The following UPK1A variants were observed in gnomAD, a reference collection of about 807,000 sequenced individuals.
UPK1A encodes uroplakin-1a.
In UPK1A, 31 loss-of-function variants were observed where a neutral mutation model predicts 32.3. The observed-to-expected ratio is 0.96, with a 90% CI of 0.72 to 1.30. The LOEUF is 1.30. Among genes scored for constraint, UPK1A ranks in the 50% most tolerant of loss-of-function variants. The probability of loss-of-function intolerance (pLI) is 0.00; values close to 1 mark genes in which losing one functional copy is unlikely to be tolerated. For missense variants in UPK1A, 340 were observed against 357.4 expected (o/e 0.95, Z 0.39); for synonymous variants, 135 against 137.1 (o/e 0.98, Z 0.11).
At chr19:35,677,936 G>T (rs200442790) in intron 7 of UPK1A, 39 bp from the exon 8 acceptor site, 21 of 1,584,838 alleles carry the variant, frequency 1.3e-5, no homozygotes, top group Admixed American at 5.4e-5. Flanking sequence ...GGCTGGGGGT[G>T]GGGGGCGGAG....
At chr19:35,673,199 G>T in intron 3 of UPK1A, 33 bp from the exon 4 acceptor site, 1 of 1,610,720 alleles carries the variant, frequency 6.2e-7, no homozygotes, top group Non-Finnish European at 8.5e-7. Flanking sequence ...CACGGGCTCT[G>T]CCCGACGGGC....
At chr19:35,673,646 A>G in intron 5 of UPK1A, 101 bp downstream of exon 5, 4 of 998,106 alleles carry the variant, frequency 4.0e-6, no homozygotes, top group Non-Finnish European at 5.9e-6. Context: ...AGTGCCTTAA[A>G]GACATCCGCT....
At chr19:35,671,927 C>T (rs1026679391) in intron 3 of UPK1A, among the ~76,000 whole-genome samples, 2 of 152,178 alleles carry the variant, frequency 1.3e-5, no homozygotes, top group African/African-American at 4.8e-5. Flanking sequence ...GAAGCACATT[C>T]TAGATGCCAA....
At chr19:35,678,304 C>T in exon 8 of UPK1A, 1 of 357,940 alleles carries the variant, frequency 2.8e-6, no homozygotes, top group South Asian at 9.3e-5. Flanking sequence ...GCTCTCTGAC[C>T]TCCTCCTTCA....
chr19:35,668,295 C>G (rs758873195), intron 2 of UPK1A, 159 bp from the exon 3 acceptor site: 20 of 851,442 alleles, frequency 2.3e-5, no homozygotes, highest in Non-Finnish European at 2.8e-5. Flanking sequence ...CTCCTGGCCT[C>G]TGCTCACCCT....
At chr19:35,676,286 G>A in intron 6 of UPK1A, 2 of 602,564 alleles carry the variant, frequency 3.3e-6, no homozygotes, top group Non-Finnish European at 6.1e-6. Context: ...TGCCTCCCGG[G>A]TTCAAGGGAT....
intron 3 of UPK1A, among the ~76,000 whole-genome samples, chr19:35,670,388 C>T (rs1599629854): frequency 7.5e-6 from 1 of 133,956 alleles, no homozygotes; most frequent in African/African-American, 2.8e-5. Context: ...CTTCCCCTCC[C>T]CTTCCCTCCC....
chr19:35,670,232 G>A (rs1955230859), intron 3 of UPK1A, among the ~76,000 whole-genome samples: 1 of 152,168 alleles, frequency 6.6e-6, no homozygotes, highest in African/African-American at 2.4e-5. Flanking sequence ...GGAGGTTGGG[G>A]GGTGAGAGGA....
chr19:35,673,310 AG>A lies in UPK1A; in HGVS notation c.360+5del, dbSNP rs1968130997. 6.2e-7 allele frequency: 1 copy of A among 1,613,788 alleles called. No homozygotes were observed. The highest frequency in any genetic ancestry group is 1.3e-5 in the African/African-American group (1 of 74,984). ...GTCCTACACCCACCGTGACTACGTG[AG>A]CCCGGCGAGGCCTGGGGAGGGGCCT... On this transcript the variant is annotated splice_donor_5th_base_variant and intron_variant, in intron 4 of 7. Transcript: ENST00000617999.
intron 6 of UPK1A, 105 bp from the exon 7 acceptor site, chr19:35,677,707 A>G (rs781064318): frequency 4.0e-5 from 56 of 1,407,892 alleles, no homozygotes; most frequent in Non-Finnish European, 5.2e-5. Flanking sequence ...GAGAAAACCA[A>G]TGCTCAGGGA....
chr19:35,677,280 C>A (rs1968194984), intron 6 of UPK1A, among the ~76,000 whole-genome samples: 1 of 151,410 alleles, frequency 6.6e-6, no homozygotes, highest in Non-Finnish European at 1.5e-5. Context: ...GTAATCCCAG[C>A]ACTTTGGGAG....
chr19:35,673,193 G>A (rs1341432170), intron 3 of UPK1A, 39 bp from the exon 4 acceptor site: 1 of 1,606,392 alleles, frequency 6.2e-7, no homozygotes, highest in South Asian at 1.1e-5. Flanking sequence ...TGGCTTCACG[G>A]GCTCTGCCCG....
intron 3 of UPK1A, 77 bp downstream of exon 3, chr19:35,668,731 C>A: frequency 6.8e-7 from 1 of 1,460,758 alleles, no homozygotes; most frequent in African/African-American, 1.4e-5. Context: ...GCAGGTGCAG[C>A]CCCAGCCACT....
At chr19:35,671,713 C>T (rs929238768) in intron 3 of UPK1A, among the ~76,000 whole-genome samples, 4 of 151,594 alleles carry the variant, frequency 2.6e-5, no homozygotes, top group Non-Finnish European at 5.9e-5. Flanking sequence ...CCGCCCACCT[C>T]GGCTTCCCAA....
chr19:35,677,672 G>A (rs1222889802), intron 6 of UPK1A, 140 bp from the exon 7 acceptor site: 5 of 1,136,278 alleles, frequency 4.4e-6, no homozygotes, highest in Non-Finnish European at 6.3e-6. Flanking sequence ...GAGGTGGACA[G>A]TGCCATGGTC....
rs755795192 is a variant in UPK1A at position 35,675,981 on chromosome 19, G to A, written c.610G>A (p.Gly204Ser). The A allele has an allele frequency of 5.0e-6, 8 of 1,613,700 alleles. No homozygotes were observed. The South Asian group carries it at 8.8e-5, about 18-fold the overall frequency. ...AAACTTCATCCCCCTCAACGAGGAG[G>A]GCTGCCGCCTGGGGCACATGGACTA... Residue 204 changes from glycine (G) to serine (S), a missense_variant, in exon 6 of 8, where the codon GGC (glycine) becomes AGC (serine). Transcript: ENST00000617999.
exon 8 of UPK1A, chr19:35,677,996 A>T (rs1410657721): frequency 2.5e-6 from 4 of 1,603,152 alleles, no homozygotes; most frequent in African/African-American, 1.3e-5. Context: ...GCTGATAGCC[A>T]TGTATTTCTA....
chr19:35,675,645 T>G (rs1968169539), intron 5 of UPK1A, among the ~76,000 whole-genome samples, 195 bp from the exon 6 acceptor site: 2 of 152,186 alleles, frequency 1.3e-5, no homozygotes, highest in South Asian at 4.1e-4. Flanking sequence ...CTCCTGGTCC[T>G]GGGACAAATA....
At chr19:35,666,995 G>A (rs944470260) in intron 2 of UPK1A, 99 bp downstream of exon 2, 30 of 1,246,890 alleles carry the variant, frequency 2.4e-5, no homozygotes, top group Middle Eastern at 2.0e-4. Context: ...ACTGTCTCTC[G>A]GGCAGACTCA....
Sources: gnomAD v4.1 joint callset for allele counts (sites outside exome capture counted in the v4.1 genomes callset) on GRCh38, gnomAD v4.1.1 for gene constraint, MANE v1.5 for transcripts, NCBI Gene and HGNC (gene_info 2026-07-23, HGNC 2026-07-21) for gene names.